CACNA1C: variants seen among roughly 807,000 people sequenced by gnomAD.
CACNA1C encodes calcium voltage-gated channel subunit alpha1 C.
CACNA1C carries 30 observed loss-of-function variants against 229.0 expected under a neutral mutation model. That is an observed-to-expected ratio of 0.13 (90% CI 0.10 to 0.18). The LOEUF is 0.18. Ranked by LOEUF, CACNA1C falls within the 10% of genes least tolerant of loss-of-function variation. CACNA1C has a pLI of 1.00. For synonymous variants in CACNA1C, 1,114 were observed against 1,132.5 expected, an observed-to-expected ratio of 0.98 and a Z score of 0.33; for missense variants, 1,658 against 2,845.0, an observed-to-expected ratio of 0.58 and a Z score of 9.49.
chr12:2,402,733 C>G (rs188627672), intron 3 of CACNA1C, among the ~76,000 whole-genome samples: 6 of 152,316 alleles, frequency 3.9e-5, no homozygotes, highest in Non-Finnish European at 7.4e-5. Context: ...TCCTCCGAAC[C>G]AGACTTGTAG....
intron 3 of CACNA1C, among the ~76,000 whole-genome samples, chr12:2,307,333 C>T (rs1277614872): frequency 1.3e-5 from 2 of 152,180 alleles, no homozygotes; most frequent in Non-Finnish European, 2.9e-5. Flanking sequence ...CTGAAAGCTG[C>T]TGATGTAGTT....
chr12:1,976,885 TAAA>T (rs1365955171), intron 1 of CACNA1C, among the ~76,000 whole-genome samples: 1 of 150,450 alleles, frequency 6.6e-6, no homozygotes, highest in Non-Finnish European at 1.5e-5. Flanking sequence ...AAGTAGGAAG[TAAA>T]GAAGGAAGAA....
intron 6 of CACNA1C, among the ~76,000 whole-genome samples, chr12:2,492,971 C>T (rs1399612111): frequency 1.3e-5 from 2 of 152,156 alleles, no homozygotes; most frequent in African/African-American, 4.8e-5. Flanking sequence ...AAGGACTGAC[C>T]TTCTAAATTA....
chr12:2,276,567 G>A (rs138243213), intron 3 of CACNA1C, among the ~76,000 whole-genome samples: 1 of 152,342 alleles, frequency 6.6e-6, no homozygotes, highest in East Asian at 1.9e-4. Context: ...AACCTTTAGA[G>A]CTCCATGGAG....
chr12:2,106,662 C>T (rs528436180), intron 1 of CACNA1C, among the ~76,000 whole-genome samples: 2 of 53,312 alleles, frequency 3.8e-5, no homozygotes, highest in African/African-American at 1.1e-4. Flanking sequence ...AGGGTTTCCA[C>T]CTCAGCTGGG....
intron 6 of CACNA1C, among the ~76,000 whole-genome samples, chr12:2,492,969 A>G (rs371466740): frequency 3.9e-5 from 6 of 152,312 alleles, no homozygotes; most frequent in Admixed American, 1.3e-4. Flanking sequence ...GAAAGGACTG[A>G]CCTTCTAAAT....
At chr12:2,083,452 A>C (rs1208397164) in intron 1 of CACNA1C, among the ~76,000 whole-genome samples, 1 of 152,150 alleles carries the variant, frequency 6.6e-6, no homozygotes, top group Non-Finnish European at 1.5e-5. Flanking sequence ...TCCCTTTCTT[A>C]GGGACACAGT....
chr12:2,622,678 A>G (rs2083940379), intron 29 of CACNA1C, among the ~76,000 whole-genome samples: 1 of 152,170 alleles, frequency 6.6e-6, no homozygotes, highest in Non-Finnish European at 1.5e-5. Context: ...ACACAGGATA[A>G]TGGGGGAGTG....
intron 3 of CACNA1C, among the ~76,000 whole-genome samples, chr12:2,393,408 A>G (rs1179655595): frequency 1.3e-5 from 2 of 152,206 alleles, no homozygotes; most frequent in Non-Finnish European, 2.9e-5. Flanking sequence ...GGCATCCATT[A>G]GTGAGGCTAG....
chr12:2,289,637 C>T (rs141574512), intron 3 of CACNA1C, among the ~76,000 whole-genome samples: 41 of 151,766 alleles, frequency 2.7e-4, no homozygotes, highest in African/African-American at 7.3e-4. Context: ...AAAGGCACGA[C>T]GCCCTCACCG....
rs757740455 is a variant in CACNA1C at position 2,403,538 on chromosome 12, T to A, written c.478-45438T>A. Reference sequence around the variant, plus strand: ...CTGCTTTTCCTTTCCTTTCTTTTTTTAAAATTCTTTAATTAAACTTTTTTG... The same window carrying A: ...CTGCTTTTCCTTTCCTTTCTTTTTTAAAAATTCTTTAATTAAACTTTTTTG... On this transcript the variant is annotated intron_variant, in intron 3 of 46. Coordinates refer to ENST00000399655, the MANE Select transcript of CACNA1C (RefSeq NM_000719.7). The surrounding 1 kb of genome is among the most constrained non-coding windows in gnomAD (Gnocchi z 4.1). 1.3e-5 allele frequency among the ~76,000 whole-genome samples: 2 copies of A among 152,218 alleles called. No homozygotes were observed. The highest frequency in any genetic ancestry group is 2.4e-5 in the African/African-American group (1 of 41,466).
At chr12:2,191,737 G>A (rs1277833487) in intron 3 of CACNA1C, among the ~76,000 whole-genome samples, 2 of 145,460 alleles carry the variant, frequency 1.4e-5, no homozygotes, top group Admixed American at 1.4e-4. Context: ...CGTACACACA[G>A]GCACACACAT....
intron 5 of CACNA1C, among the ~76,000 whole-genome samples, chr12:2,463,359 G>A (rs1281740301): frequency 2.0e-5 from 3 of 152,214 alleles, no homozygotes; most frequent in East Asian, 3.8e-4. Context: ...CTTACTTTAT[G>A]TAAGATTTTG....
intron 11 of CACNA1C, among the ~76,000 whole-genome samples, chr12:2,560,151 G>A (rs1286915483): frequency 1.3e-5 from 2 of 152,200 alleles, no homozygotes; most frequent in African/African-American, 4.8e-5. Context: ...CACATGAGCA[G>A]GTATCACACA....
Position 2,651,582 on chromosome 12 carries a change from C to T in CACNA1C, c.3946-58C>T, listed in dbSNP as rs779664892. 4 of 1,613,542 alleles carry T rather than the reference C, an allele frequency of 2.5e-6. No homozygotes were observed. Among genetic ancestry groups the T allele is most frequent in the Non-Finnish European group, 3.4e-6 (4 of 1,179,680 alleles). Reference sequence around the variant, plus strand: ...GTCTGTATTTCTCGGAGGGGCCCTCCTGTTCTCACCCCCCTCTTGCTGTGC... The same window carrying T: ...GTCTGTATTTCTCGGAGGGGCCCTCTTGTTCTCACCCCCCTCTTGCTGTGC... On this transcript the variant is annotated intron_variant, in intron 31 of 46. Coordinates refer to ENST00000399655, the MANE Select transcript of CACNA1C (RefSeq NM_000719.7). The surrounding 1 kb of genome is among the most constrained non-coding windows in gnomAD (Gnocchi z 5.4).
intron 1 of CACNA1C, among the ~76,000 whole-genome samples, chr12:2,090,598 A>G (rs750494336): frequency 6.6e-5 from 10 of 152,098 alleles, no homozygotes; most frequent in South Asian, 2.1e-4. Context: ...GATTACAGGC[A>G]TGAGCCACCG....
At chr12:2,201,161 C>G (rs2097570192) in intron 3 of CACNA1C, among the ~76,000 whole-genome samples, 1 of 152,070 alleles carries the variant, frequency 6.6e-6, no homozygotes, top group African/African-American at 2.4e-5. Flanking sequence ...ACAGCTTTGT[C>G]TCTCCACTCA....
chr12:2,163,624 C>T (rs1264712714), intron 3 of CACNA1C, among the ~76,000 whole-genome samples: 1 of 152,170 alleles, frequency 6.6e-6, no homozygotes, highest in Non-Finnish European at 1.5e-5. Flanking sequence ...GATCCAGAAG[C>T]GTCTTCCAGC....
intron 3 of CACNA1C, among the ~76,000 whole-genome samples, chr12:2,356,917 C>G (rs562205193): frequency 6.6e-6 from 1 of 152,180 alleles, no homozygotes. Context: ...CAATAATGAC[C>G]GGTTTCAAAC....
Sources: allele counts gnomAD v4.1 joint callset (sites outside exome capture counted in the v4.1 genomes callset), GRCh38; gene constraint gnomAD v4.1.1; non-coding constraint Gnocchi (gnomAD v3.1); transcripts MANE v1.5; gene names NCBI Gene and HGNC (gene_info 2026-07-23, HGNC 2026-07-21).